MCPH1: variants seen among roughly 807,000 people sequenced by gnomAD.
MCPH1 encodes the protein microcephalin 1.
MCPH1 carries 104 observed loss-of-function variants against 84.5 expected under a neutral mutation model. The ratio of observed to expected loss-of-function variants is 1.23; its 90% CI spans 1.05 to 1.45. MCPH1 has a LOEUF of 1.45. MCPH1 is among the 40% of genes most tolerant of loss of function. MCPH1 has a pLI of 0.00. For synonymous variants in MCPH1, 514 were observed against 366.8 expected (o/e 1.40, Z -4.58); for missense variants, 1,498 against 1,005.7 (o/e 1.49, Z -6.62).
rs1275654941 is a variant in MCPH1 at position 6,645,722 on chromosome 8, A to C, written c.*2673A>C. 1 of 151,606 alleles carries C rather than the reference A, an allele frequency of 6.6e-6. No individual in the cohort carries two copies. The highest frequency in any genetic ancestry group is 2.0e-4 in the East Asian group (1 of 5,124). 9.4% of individuals were successfully genotyped at this position (151,606 alleles called of 1,614,324 possible). A position where few individuals can be genotyped will look rare whatever the true frequency, so the allele number is the denominator to read the frequency against. On this transcript the variant is annotated 3_prime_UTR_variant, in exon 14 of 14. Coordinates refer to ENST00000344683, the MANE Select transcript of MCPH1 (RefSeq NM_024596.5). ...ATACAAACCTAACAGAATTGTATTT[A>C]TATATACTGTCAATAAGCAATTCAA...
chr8:6,627,168 C>A, intron 13 of MCPH1: 1 of 985,430 alleles, frequency 1.0e-6, no homozygotes, highest in Non-Finnish European at 1.2e-6. Context: ...ATGCACGACG[C>A]TCCCATGGGG....
At chr8:6,589,105 GTT>G (rs1828236832) in intron 12 of MCPH1, among the ~76,000 whole-genome samples, 1 of 152,152 alleles carries the variant, frequency 6.6e-6, no homozygotes, top group African/African-American at 2.4e-5. Flanking sequence ...GACAACAAGA[GTT>G]TTTCTGGAAC....
Position 6,445,366 on chromosome 8 carries a change from C to T in MCPH1, c.1644C>T (p.Ser548=), listed in dbSNP as rs553888676. ...ATGATTTAACTCCTTTGGAAGGAAG[C>T]CTTGAAGAAATGAAAGAAGCGGTTG... is the stretch of plus-strand genomic sequence containing the variant. ...HDDDLTPLEG[S]LEEMKEAVGL... Residue 548 remains serine, a synonymous_variant, in exon 8 of 14, where the codon AGC becomes AGT. Coordinates refer to ENST00000344683, the MANE Select transcript of MCPH1 (RefSeq NM_024596.5). The T allele has an allele frequency of 4.1e-5, 66 of 1,614,200 alleles. 1 individual carries two copies. The South Asian group carries it at 7.0e-4, about 17-fold the overall frequency.
intron 4 of MCPH1, 82 bp downstream of exon 4, chr8:6,431,668 T>C (rs539273179): frequency 5.8e-5 from 54 of 929,288 alleles, no homozygotes; most frequent in Non-Finnish European, 7.8e-5. Flanking sequence ...ATAAAACTTC[T>C]AGAAATATAT....
At chr8:6,464,485 C>T (rs1806634785) in intron 9 of MCPH1, among the ~76,000 whole-genome samples, 1 of 152,156 alleles carries the variant, frequency 6.6e-6, no homozygotes, top group African/African-American at 2.4e-5. Flanking sequence ...TTTATTTGTT[C>T]ACTAACTGAT....
At chr8:6,446,738 G>C (rs2515571) in intron 8 of MCPH1, 2 of 985,098 alleles carry the variant, frequency 2.0e-6, no homozygotes, top group South Asian at 9.4e-5. Flanking sequence ...TATTTTTTAA[G>C]CTTTTGAATA....
intron 5 of MCPH1, among the ~76,000 whole-genome samples, chr8:6,438,494 G>A (rs150797421): frequency 6.6e-6 from 1 of 152,304 alleles, no homozygotes; most frequent in African/African-American, 2.4e-5. Context: ...CCGGGACCAT[G>A]CTGATCCCAC....
chr8:6,482,888 A>T (rs1335948180), intron 11 of MCPH1, among the ~76,000 whole-genome samples: 4 of 152,234 alleles, frequency 2.6e-5, no homozygotes, highest in Admixed American at 1.3e-4. Context: ...AACCTGGGGC[A>T]CTCAGACACA....
At chr8:6,487,207 G>T (rs528885656) in intron 11 of MCPH1, among the ~76,000 whole-genome samples, 1 of 152,152 alleles carries the variant, frequency 6.6e-6, no homozygotes, top group Non-Finnish European at 1.5e-5. Flanking sequence ...TGTCAAGGCC[G>T]CTAACTATCA....
chr8:6,452,150 T>A (rs190006768), intron 8 of MCPH1, among the ~76,000 whole-genome samples: 2 of 152,352 alleles, frequency 1.3e-5, no homozygotes, highest in African/African-American at 4.8e-5. Flanking sequence ...TATACTGTCT[T>A]GCCCTGGATC....
chr8:6,536,599 T>A (rs1269198974), intron 12 of MCPH1, among the ~76,000 whole-genome samples: 1 of 152,186 alleles, frequency 6.6e-6, no homozygotes, highest in African/African-American at 2.4e-5. Flanking sequence ...AATCTGTGTT[T>A]TCTTCCAAAG....
At chr8:6,588,458 G>T (rs1364326817) in intron 12 of MCPH1, among the ~76,000 whole-genome samples, 1 of 152,098 alleles carries the variant, frequency 6.6e-6, no homozygotes, top group Non-Finnish European at 1.5e-5. Flanking sequence ...AGGTCTTTGG[G>T]GTAGGCTGAG....
At chr8:6,514,222 C>T (rs1380703364) in intron 12 of MCPH1, among the ~76,000 whole-genome samples, 3 of 152,172 alleles carry the variant, frequency 2.0e-5, no homozygotes, top group South Asian at 2.1e-4. Flanking sequence ...GAGAGTCTTA[C>T]TCTGTTGCCC....
At chr8:6,594,095 A>G (rs944906285) in intron 12 of MCPH1, among the ~76,000 whole-genome samples, 6 of 152,212 alleles carry the variant, frequency 3.9e-5, no homozygotes, top group African/African-American at 1.4e-4. Flanking sequence ...TGTCCAGGCA[A>G]GGCTGCTGTG....
intron 11 of MCPH1, chr8:6,494,216 G>T (rs946859132): frequency 1.2e-4 from 19 of 152,236 alleles, no homozygotes; most frequent in African/African-American, 4.3e-4. Context: ...TGGGATTACA[G>T]ATGTGAGCCA....
At chr8:6,490,422 A>G (rs1170899536) in intron 11 of MCPH1, among the ~76,000 whole-genome samples, 1 of 152,142 alleles carries the variant, frequency 6.6e-6, no homozygotes, top group African/African-American at 2.4e-5. Context: ...CTGTTATTTC[A>G]AGGCTTCTAA....
intron 9 of MCPH1, among the ~76,000 whole-genome samples, chr8:6,472,321 T>C (rs1807834646): frequency 6.6e-6 from 1 of 152,258 alleles, no homozygotes; most frequent in Non-Finnish European, 1.5e-5. Context: ...TCTTTTTTGA[T>C]GTGACAATTT....
chr8:6,637,724 C>G (rs11784339), intron 13 of MCPH1, among the ~76,000 whole-genome samples: 12,131 of 152,138 alleles, frequency 0.08, 514 homozygotes, highest in Middle Eastern at 0.13. Context: ...AACTCCTGGG[C>G]TCAACGGATC....
At chr8:6,585,765 A>G (rs1293107243) in intron 12 of MCPH1, among the ~76,000 whole-genome samples, 3 of 152,304 alleles carry the variant, frequency 2.0e-5, no homozygotes, top group South Asian at 2.1e-4. Flanking sequence ...TGGCTGAGCA[A>G]CTTGGCCTGT....
Sources: allele counts gnomAD v4.1 joint callset (sites outside exome capture counted in the v4.1 genomes callset), GRCh38; gene constraint gnomAD v4.1.1; transcripts MANE v1.5; gene names NCBI Gene and HGNC (gene_info 2026-07-23, HGNC 2026-07-21).